Variants in YAE1 observed in about 807,000 individuals in gnomAD.
YAE1 encodes the protein protein YAE1 homolog.
Under a neutral mutation model 23.0 loss-of-function variants are expected in YAE1, and 22 were observed. The observed-to-expected ratio is 0.96, with a 90% CI of 0.68 to 1.37. The LOEUF (loss-of-function observed/expected upper bound fraction) is 1.37, where lower values mean the gene tolerates loss of function less well. Among genes scored for constraint, YAE1 ranks in the 40% most tolerant of loss-of-function variants. The probability of loss-of-function intolerance (pLI) is 0.00; values close to 1 mark genes in which losing one functional copy is unlikely to be tolerated. For missense variants in YAE1, 260 were observed against 262.1 expected (o/e 0.99, Z 0.06); for synonymous variants, 101 against 97.0 (o/e 1.04, Z -0.24).
At chr7:39,580,186 T>C (rs973995112) in intron 2 of YAE1, among the ~76,000 whole-genome samples, 10 of 152,230 alleles carry the variant, frequency 6.6e-5, no homozygotes, top group Non-Finnish European at 1.3e-4. Context: ...TTAGCACATA[T>C]ACTAAAGGAG....
intron 2 of YAE1, among the ~76,000 whole-genome samples, chr7:39,604,014 C>A (rs1299303690): frequency 6.6e-6 from 1 of 152,162 alleles, no homozygotes; most frequent in Non-Finnish European, 1.5e-5. Context: ...CTTAATTCAA[C>A]TTGACTTAAA....
intron 2 of YAE1, chr7:39,570,836 C>A: frequency 1.9e-6 from 1 of 519,384 alleles, no homozygotes; most frequent in Non-Finnish European, 3.2e-6. Context: ...ATTGTCTTTT[C>A]GTGCAAAGAA....
chr7:39,587,276 C>G (rs923600232), intron 2 of YAE1, among the ~76,000 whole-genome samples: 1 of 151,682 alleles, frequency 6.6e-6, no homozygotes, highest in African/African-American at 2.4e-5. Context: ...AGGCTGGTCT[C>G]GAACTCCTGA....
chr7:39,570,170 G>T lies in YAE1; in HGVS notation c.130-336G>T, dbSNP rs1583667692. The T allele has an allele frequency of 3.5e-5, 25 of 717,096 alleles. No individual in the cohort carries two copies. In the East Asian group the frequency reaches 6.1e-4, roughly 18 times the overall value. 44.4% of individuals were successfully genotyped at this position (717,096 alleles called of 1,614,324 possible). On this transcript the variant is annotated intron_variant, in intron 1 of 2. Transcript: ENST00000223273. Reference sequence around the variant, plus strand: ...AAGCAACAGTACCAGGACTGCCAGCGGAACTGCAAGACTCCTGGAGGGTGC... The same window carrying T: ...AAGCAACAGTACCAGGACTGCCAGCTGAACTGCAAGACTCCTGGAGGGTGC...
intron 2 of YAE1, among the ~76,000 whole-genome samples, chr7:39,600,084 T>A (rs1201456308): frequency 2.0e-5 from 3 of 152,172 alleles, no homozygotes; most frequent in Non-Finnish European, 4.4e-5. Context: ...TGAAATGAAG[T>A]TTCTCGAGAG....
intron 2 of YAE1, among the ~76,000 whole-genome samples, chr7:39,586,688 G>A (rs1293818747): frequency 7.3e-5 from 11 of 151,540 alleles, no homozygotes; most frequent in Non-Finnish European, 1.3e-4. Context: ...TAGTAGAGAC[G>A]GGGTTTCACC....
chr7:39,569,363 G>C, intron 1 of YAE1: 1 of 370,000 alleles, frequency 2.7e-6, no homozygotes, highest in Non-Finnish European at 5.4e-6. Flanking sequence ...ATGATATTAA[G>C]ATAACTATAC....
At chr7:39,580,090 A>G (rs1038325270) in intron 2 of YAE1, among the ~76,000 whole-genome samples, 3 of 152,318 alleles carry the variant, frequency 2.0e-5, no homozygotes, top group African/African-American at 7.2e-5. Flanking sequence ...TAAGGAACAA[A>G]AAATTTACCA....
chr7:39,571,224 T>C (rs1790559255), intron 2 of YAE1, among the ~76,000 whole-genome samples: 1 of 152,092 alleles, frequency 6.6e-6, no homozygotes, highest in East Asian at 1.9e-4. Flanking sequence ...ATAAACTTTC[T>C]TAAAACAATA....
intron 2 of YAE1, among the ~76,000 whole-genome samples, chr7:39,571,276 C>CT (rs58497539): frequency 1.5e-3 from 206 of 135,956 alleles, no homozygotes; most frequent in South Asian, 3.1e-3. Context: ...TTTCTTTTTT[C>CT]TTTTTTTTTT....
chr7:39,584,553 T>C (rs1001919008), intron 2 of YAE1, among the ~76,000 whole-genome samples: 3 of 152,166 alleles, frequency 2.0e-5, no homozygotes, highest in African/African-American at 7.2e-5. Flanking sequence ...ATAAAACAAT[T>C]AGGGCCTATT....
chr7:39,568,964 A>G (rs1279744739), intron 1 of YAE1, among the ~76,000 whole-genome samples: 1 of 152,210 alleles, frequency 6.6e-6, no homozygotes, highest in African/African-American at 2.4e-5. Flanking sequence ...GTTCCCATTT[A>G]TGGGAAATAC....
intron 2 of YAE1, among the ~76,000 whole-genome samples, chr7:39,579,867 G>A (rs546254605): frequency 3.9e-5 from 6 of 151,976 alleles, no homozygotes; most frequent in African/African-American, 1.2e-4. Context: ...GGGCAACATG[G>A]CAAAAGCCTG....
At chr7:39,598,607 T>C (rs558874566) in intron 2 of YAE1, among the ~76,000 whole-genome samples, 3 of 151,564 alleles carry the variant, frequency 2.0e-5, no homozygotes, top group South Asian at 2.1e-4. Context: ...CAAAACTCTA[T>C]CTCTACCAAA....
chr7:39,595,275 T>C (rs1790958609), intron 2 of YAE1, among the ~76,000 whole-genome samples: 1 of 152,162 alleles, frequency 6.6e-6, no homozygotes, highest in Non-Finnish European at 1.5e-5. Flanking sequence ...TTTCCAAGCA[T>C]CACATTCAAT....
chr7:39,598,134 G>C (rs1791003954), intron 2 of YAE1, among the ~76,000 whole-genome samples: 1 of 151,884 alleles, frequency 6.6e-6, no homozygotes, highest in South Asian at 2.1e-4. Flanking sequence ...GTTTGTGACA[G>C]AGCCTCACTC....
intron 2 of YAE1, among the ~76,000 whole-genome samples, chr7:39,578,720 A>AC (rs1168793114): frequency 1.3e-5 from 2 of 152,130 alleles, no homozygotes; most frequent in East Asian, 3.9e-4. Context: ...ACCTCCGGAC[A>AC]CACCACCTTT....
downstream of YAE1, among the ~76,000 whole-genome samples, chr7:39,574,798 G>A (rs150794619): frequency 0.011 from 1,649 of 151,580 alleles, 32 homozygotes; most frequent in African/African-American, 0.037. Context: ...TTCGCTACTT[G>A]GGAAGCTGAG....
Position 39,599,068 on chromosome 7 carries a change from C to T in YAE1, c.252-10549C>T, listed in dbSNP as rs558962997. ...CAGCCTGGCCAACATGGTGAAACCC[C>T]GTCTCTACTAAAAATACAAAAACTG... On this transcript the variant is annotated intron_variant, in intron 2 of 2. Coordinates refer to the YAE1 transcript ENST00000432096. Among the ~76,000 whole-genome samples, 12 of 151,748 alleles carry T rather than the reference C, an allele frequency of 7.9e-5. 1 individual carries two copies. In the South Asian group the frequency reaches 2.5e-3, roughly 32 times the overall value.
Sources: allele counts gnomAD v4.1 joint callset (sites outside exome capture counted in the v4.1 genomes callset), GRCh38; gene constraint gnomAD v4.1.1; transcripts MANE v1.5; gene names NCBI Gene and HGNC (gene_info 2026-07-23, HGNC 2026-07-21).